IL1RAPL1: variants seen among roughly 807,000 people sequenced by gnomAD.
IL1RAPL1 encodes the protein interleukin 1 receptor accessory protein like 1, also known as interleukin-1 receptor accessory protein-like 1.
Under a neutral mutation model 48.4 loss-of-function variants are expected in IL1RAPL1, and 3 were observed. That is an observed-to-expected ratio of 0.06 (90% confidence interval 0.03 to 0.16). IL1RAPL1 has a LOEUF of 0.16. Ranked by LOEUF, IL1RAPL1 falls within the 10% of genes least tolerant of loss-of-function variation. The pLI, the probability that IL1RAPL1 is intolerant of heterozygous loss-of-function variation, is 1.00. For synonymous variants in IL1RAPL1, 185 were observed against 187.7 expected (o/e 0.99, Z 0.12); for missense variants, 349 against 530.6 (o/e 0.66, Z 3.36).
intron 2 of IL1RAPL1, among the ~76,000 whole-genome samples, chrX:29,045,756 C>T (rs1207126116): frequency 8.9e-6 from 1 of 112,049 alleles, no homozygotes; most frequent in Non-Finnish European, 1.9e-5. Context: ...AAACCATAGG[C>T]CTTCTAGTTT....
chrX:29,113,417 T>G (rs962412175), intron 2 of IL1RAPL1, among the ~76,000 whole-genome samples: 5 of 111,566 alleles, frequency 4.5e-5, no homozygotes, highest in Non-Finnish European at 9.4e-5. Context: ...TTTGTCCCTT[T>G]TCAAGTATCA....
At chrX:29,638,374 G>T (rs756674663) in intron 5 of IL1RAPL1, among the ~76,000 whole-genome samples, 17 of 108,648 alleles carry the variant, frequency 1.6e-4, no homozygotes, top group Non-Finnish European at 3.0e-4. Flanking sequence ...GGGTTCAAGC[G>T]ATTCTCCTGC....
At chrX:28,860,851 AT>A (rs758632986) in intron 2 of IL1RAPL1, among the ~76,000 whole-genome samples, 30 of 110,355 alleles carry the variant, frequency 2.7e-4, no homozygotes, top group Admixed American at 1.5e-3. Context: ...CAATCTAAGA[AT>A]TTTTTTTTCT....
At chrX:28,964,312 T>G (rs1418193699) in intron 2 of IL1RAPL1, among the ~76,000 whole-genome samples, 1 of 111,712 alleles carries the variant, frequency 9.0e-6, no homozygotes, top group African/African-American at 3.2e-5. Flanking sequence ...AGTAACTGGC[T>G]TCTTTTTTTT....
chrX:29,030,742 A>G (rs1926599360), intron 2 of IL1RAPL1, among the ~76,000 whole-genome samples: 1 of 111,462 alleles, frequency 9.0e-6, no homozygotes, highest in African/African-American at 3.3e-5. Flanking sequence ...ATTGAGATCT[A>G]GAAATACTCC....
chrX:29,406,483 A>G (rs1268707480), intron 5 of IL1RAPL1, among the ~76,000 whole-genome samples: 4 of 111,509 alleles, frequency 3.6e-5, no homozygotes, highest in Non-Finnish European at 7.5e-5. Flanking sequence ...TCGTGGAGGA[A>G]TAATACCCTC....
chrX:28,913,508 G>C (rs908123144), intron 2 of IL1RAPL1, among the ~76,000 whole-genome samples: 2 of 111,036 alleles, frequency 1.8e-5, no homozygotes, highest in African/African-American at 3.3e-5. Context: ...ATGTTTTCTG[G>C]AGATTTTTAT....
At chrX:29,215,104 T>G (rs1171584811) in intron 2 of IL1RAPL1, among the ~76,000 whole-genome samples, 2 of 111,500 alleles carry the variant, frequency 1.8e-5, no homozygotes, top group Non-Finnish European at 3.8e-5. Flanking sequence ...TCCCAGCACT[T>G]CGGGAGGCCG....
chrX:29,030,453 A>G (rs1266166964), intron 2 of IL1RAPL1, among the ~76,000 whole-genome samples: 1 of 111,112 alleles, frequency 9.0e-6, no homozygotes, highest in East Asian at 2.8e-4. Context: ...GTACATAGGT[A>G]TTTGTTTTAC....
At chrX:28,997,963 G>A in intron 2 of IL1RAPL1, among the ~76,000 whole-genome samples, 1 of 112,047 alleles carries the variant, frequency 8.9e-6, no homozygotes, top group East Asian at 2.8e-4. Flanking sequence ...AAAGCAGCTG[G>A]TCTCTGCAAT....
chrX:29,713,246 G>T (rs1408025289), intron 6 of IL1RAPL1, among the ~76,000 whole-genome samples: 1 of 111,711 alleles, frequency 9.0e-6, no homozygotes, highest in Non-Finnish European at 1.9e-5. Flanking sequence ...ATAAAGTTTA[G>T]AGTAACTTCG....
At chrX:29,363,883 G>A (rs1353427095) in intron 3 of IL1RAPL1, among the ~76,000 whole-genome samples, 3 of 111,512 alleles carry the variant, frequency 2.7e-5, no homozygotes, top group African/African-American at 9.8e-5. Flanking sequence ...CTCCAACACT[G>A]GGGATTATAA....
intron 2 of IL1RAPL1, among the ~76,000 whole-genome samples, chrX:29,120,937 C>T (rs775176437): frequency 4.5e-5 from 5 of 111,832 alleles, no homozygotes; most frequent in Non-Finnish European, 9.4e-5. Context: ...GCTCAACACT[C>T]AAAACTTAAT....
intron 2 of IL1RAPL1, among the ~76,000 whole-genome samples, chrX:29,199,982 A>G (rs1009381713): frequency 2.7e-5 from 3 of 111,542 alleles, no homozygotes; most frequent in Non-Finnish European, 5.6e-5. Flanking sequence ...TGCAATTTAT[A>G]CTTTTTTTAC....
rs758749571 is a variant in IL1RAPL1, at chrX:29,022,605, A to C, written c.82+233180A>C. On this transcript the variant is annotated intron_variant, in intron 2 of 10. Coordinates refer to ENST00000378993, the MANE Select transcript of IL1RAPL1 (RefSeq NM_014271.4). ...AGTTTTACTTTATTTGTTTTTGGTTATCAGAGTCTTAAATAATGGGTGATT... is the reference window on the plus strand; with the variant it reads ...AGTTTTACTTTATTTGTTTTTGGTTCTCAGAGTCTTAAATAATGGGTGATT... 3.6e-5 allele frequency among the ~76,000 whole-genome samples: 4 copies of C among 111,834 alleles called. No homozygotes were observed. The South Asian group carries it at 1.5e-3, about 42-fold the overall frequency.
At chrX:28,762,943 G>A (rs556317930) in intron 1 of IL1RAPL1, among the ~76,000 whole-genome samples, 3 of 110,606 alleles carry the variant, frequency 2.7e-5, no homozygotes, top group African/African-American at 9.9e-5. Flanking sequence ...CTTTGATTTG[G>A]CTTAGCTTTT....
At chrX:29,334,899 C>T (rs1472486019) in intron 3 of IL1RAPL1, among the ~76,000 whole-genome samples, 1 of 112,912 alleles carries the variant, frequency 8.9e-6, no homozygotes, top group East Asian at 2.8e-4. Flanking sequence ...GCTGCAATCT[C>T]GGCACTTTGG....
At chrX:29,319,542 G>GTATCTATC (rs1278610381) in intron 3 of IL1RAPL1, among the ~76,000 whole-genome samples, 49 of 80,695 alleles carry the variant, frequency 6.1e-4, no homozygotes, top group Non-Finnish European at 1.0e-3. Flanking sequence ...ATGTATGTAT[G>GTATCTATC]TATGTATGTA....
At chrX:29,481,838 G>A (rs1457906890) in intron 5 of IL1RAPL1, among the ~76,000 whole-genome samples, 1 of 111,757 alleles carries the variant, frequency 8.9e-6, no homozygotes, top group African/African-American at 3.3e-5. Flanking sequence ...ATAGGTTGGT[G>A]CAAATGTAAT....
Sources: gnomAD v4.1 joint callset for allele counts (sites outside exome capture counted in the v4.1 genomes callset) on GRCh38, gnomAD v4.1.1 for gene constraint, MANE v1.5 for transcripts, NCBI Gene and HGNC (gene_info 2026-07-23, HGNC 2026-07-21) for gene names.